The following RTCA variants were observed in gnomAD, a reference collection of about 807,000 sequenced individuals.
RTCA encodes the protein RNA terminal phosphate cyclase domain 1.
Under a neutral mutation model 46.1 loss-of-function variants are expected in RTCA, and 37 were observed. The ratio of observed to expected loss-of-function variants is 0.80; its 90% CI spans 0.62 to 1.06. The LOEUF (loss-of-function observed/expected upper bound fraction) is 1.06. Among genes scored for constraint, RTCA ranks in the 50% least tolerant of loss-of-function variants. RTCA has a pLI of 0.00. For missense variants in RTCA, 435 were observed against 455.5 expected, an observed-to-expected ratio of 0.95 and a Z score of 0.41; for synonymous variants, 164 against 158.3, an observed-to-expected ratio of 1.04 and a Z score of -0.27.
intron 10 of RTCA, among the ~76,000 whole-genome samples, chr1:100,288,486 C>G (rs148995146): frequency 2.0e-5 from 3 of 151,992 alleles, no homozygotes; most frequent in African/African-American, 7.2e-5. Flanking sequence ...ACCTCCTGGG[C>G]TCTCAAATGA....
intron 8 of RTCA, among the ~76,000 whole-genome samples, chr1:100,280,258 G>A (rs2100804744): frequency 6.6e-6 from 1 of 152,296 alleles, no homozygotes; most frequent in South Asian, 2.1e-4. Flanking sequence ...TGCCAGGGTA[G>A]ATGATAATTT....
chr1:100,289,741 A>T (rs779734469), intron 10 of RTCA, among the ~76,000 whole-genome samples: 8 of 152,144 alleles, frequency 5.3e-5, no homozygotes, highest in African/African-American at 1.9e-4. Context: ...CATAACGGAA[A>T]GTGCTATGAA....
chr1:100,286,083 T>C (rs1468162451), intron 9 of RTCA, among the ~76,000 whole-genome samples: 2 of 152,312 alleles, frequency 1.3e-5, no homozygotes, highest in East Asian at 3.9e-4. Context: ...AGCCCAGGCC[T>C]TTCTCTTTAA....
intron 9 of RTCA, 100 bp downstream of exon 9, chr1:100,285,422 G>T: frequency 1.3e-6 from 1 of 768,396 alleles, no homozygotes; most frequent in Non-Finnish European, 2.2e-6. Context: ...ACACTAATTA[G>T]CAAGTCCTAC....
At chr1:100,269,669 TATTA>T (rs1314737476) in intron 3 of RTCA, among the ~76,000 whole-genome samples, 10 of 152,084 alleles carry the variant, frequency 6.6e-5, no homozygotes, top group Non-Finnish European at 1.3e-4. Flanking sequence ...AATTAATAAT[TATTA>T]AAATATTTTA....
intron 8 of RTCA, among the ~76,000 whole-genome samples, chr1:100,283,668 G>C (rs1029881893): frequency 3.3e-5 from 5 of 151,958 alleles, no homozygotes; most frequent in South Asian, 2.1e-4. Flanking sequence ...AGAGGAAATG[G>C]CAGTGGCTAA....
At chr1:100,290,665 C>G (rs188343293) in intron 10 of RTCA, among the ~76,000 whole-genome samples, 140 of 152,246 alleles carry the variant, frequency 9.2e-4, no homozygotes, top group African/African-American at 3.2e-3. Flanking sequence ...ACACTGGAGG[C>G]TGAGGCAGGA....
chr1:100,267,594 C>T, intron 2 of RTCA: 1 of 1,501,100 alleles, frequency 6.7e-7, no homozygotes, highest in Non-Finnish European at 9.0e-7. Context: ...TGTCTTTTTG[C>T]CTCTTCACAT....
In RTCA at chr1:100,266,230, C is replaced by A; in HGVS notation, c.-146C>A. 1.1e-6 allele frequency: 1 copy of A among 941,502 alleles called. No homozygotes were observed. Among genetic ancestry groups the A allele is most frequent in the Non-Finnish European group, 1.6e-6 (1 of 635,372 alleles). The allele number at this position is 941,502 out of a possible 1,614,324, so 58.3% of individuals were successfully genotyped here. ...CTGCTGACTCCAGTGTCCCGAGAGG[C>A]GCCGCTTCTTCCGCTTTCTCGTCAG... is the stretch of plus-strand genomic sequence containing the variant. On this transcript the variant is annotated 5_prime_UTR_variant, in exon 1 of 11. Transcript: ENST00000370128.
intron 2 of RTCA, chr1:100,267,095 T>TA (rs1246412943): frequency 4.6e-6 from 1 of 217,976 alleles, no homozygotes; most frequent in African/African-American, 2.3e-5. Context: ...AGAGAGCTGT[T>TA]ATGACCAGAA....
chr1:100,273,303 C>T, intron 4 of RTCA, 91 bp from the exon 5 acceptor site: 1 of 765,664 alleles, frequency 1.3e-6, no homozygotes, highest in Non-Finnish European at 2.1e-6. Context: ...CACCCAGTTA[C>T]TAGCCAGCAA....
intron 7 of RTCA, among the ~76,000 whole-genome samples, chr1:100,276,233 A>G (rs970426388): frequency 2.0e-5 from 3 of 152,138 alleles, no homozygotes; most frequent in Admixed American, 6.5e-5. Flanking sequence ...GCCTTTTGTT[A>G]CCTTGTAAGA....
In RTCA at chr1:100,292,337, T is replaced by G. The variant is rs1268205937; in HGVS notation, c.*833T>G. 4 of 152,198 alleles carry G rather than the reference T, an allele frequency of 2.6e-5. No homozygotes were observed. Among genetic ancestry groups the G allele is most frequent in the African/African-American group, 9.7e-5 (4 of 41,442 alleles). The allele number at this position is 152,198 out of a possible 1,614,324, so 9.4% of individuals were successfully genotyped here. The stretch of plus-strand genomic sequence containing the variant: ...CATTTTTTTTGAGACAGAGTCTCAC[T>G]CTGTCACCAAGTTGGAGTGCAGTGG... On this transcript the variant is annotated 3_prime_UTR_variant, in exon 11 of 11. Transcript: ENST00000370128.
chr1:100,268,597 T>C (rs544227930), intron 3 of RTCA, among the ~76,000 whole-genome samples: 1 of 152,122 alleles, frequency 6.6e-6, no homozygotes, highest in Non-Finnish European at 1.5e-5. Context: ...GGTTTCGCCA[T>C]GTTTTTCAGC....
chr1:100,266,973 C>T (rs764222937), intron 2 of RTCA: 2 of 310,360 alleles, frequency 6.4e-6, no homozygotes, highest in Non-Finnish European at 1.2e-5. Context: ...CTTGTGACGC[C>T]AGAGGAAACC....
chr1:100,291,514 C>T lies in RTCA; in HGVS notation c.*10C>T, dbSNP rs1667353329. On this transcript the variant is annotated 3_prime_UTR_variant, in exon 11 of 11. Transcript: ENST00000370128. ...AAATCCAAATCTATAGAGTATTTGC[C>T]TCTTAAATGATACCTCATTGATATA... The T allele has an allele frequency of 6.8e-7, 1 of 1,463,976 alleles. No homozygotes were observed. Among genetic ancestry groups the T allele is most frequent in the African/African-American group, 1.4e-5 (1 of 71,348 alleles). The allele number at this position is 1,463,976 out of a possible 1,614,324, so 90.7% of individuals were successfully genotyped here. A position where few individuals can be genotyped will look rare whatever the true frequency, so the allele number is the denominator to read the frequency against.
intron 2 of RTCA, 88 bp downstream of exon 2, chr1:100,266,712 G>A (rs2100785299): frequency 1.8e-6 from 2 of 1,142,346 alleles, no homozygotes; most frequent in African/African-American, 1.5e-5. Context: ...AGTCCGAGTG[G>A]TGGAACCCAG....
intron 5 of RTCA, among the ~76,000 whole-genome samples, chr1:100,274,490 G>T (rs1324929748): frequency 6.6e-6 from 1 of 152,062 alleles, no homozygotes; most frequent in Non-Finnish European, 1.5e-5. Flanking sequence ...TCTGCATTGG[G>T]GTATATGTTC....
At chr1:100,275,548 T>G in intron 6 of RTCA, 51 bp from the exon 7 acceptor site, 1 of 1,452,686 alleles carries the variant, frequency 6.9e-7, no homozygotes, top group Non-Finnish European at 9.3e-7. Flanking sequence ...AAAACAATTT[T>G]CCAAATAATC....
Sources: gnomAD v4.1 joint callset for allele counts (sites outside exome capture counted in the v4.1 genomes callset) on GRCh38, gnomAD v4.1.1 for gene constraint, MANE v1.5 for transcripts, NCBI Gene and HGNC (gene_info 2026-07-23, HGNC 2026-07-21) for gene names.